Variants in MYH7B observed in about 807,000 individuals in gnomAD.
MYH7B encodes the protein myosin-7B.
Under a neutral mutation model 234.5 loss-of-function variants are expected in MYH7B, and 205 were observed. The ratio of observed to expected loss-of-function variants is 0.87; its 90% CI spans 0.78 to 0.98. The LOEUF (loss-of-function observed/expected upper bound fraction) is 0.98, where lower values mean the gene tolerates loss of function less well. Among genes scored for constraint, MYH7B ranks in the 50% least tolerant of loss-of-function variants. The pLI, the probability that MYH7B is intolerant of heterozygous loss-of-function variation, is 0.00. For missense variants in MYH7B, 2,652 were observed against 2,633.4 expected (o/e 1.01, Z -0.15); for synonymous variants, 1,193 against 1,105.0 (o/e 1.08, Z -1.58).
At chr20:34,967,055 C>T (rs532466490) in intron 2 of MYH7B, among the ~76,000 whole-genome samples, 3 of 150,686 alleles carry the variant, frequency 2.0e-5, no homozygotes, top group Admixed American at 2.0e-4. Context: ...ATAGTGAAAC[C>T]CCGTCTCTAC....
At chr20:34,975,095 G>T (rs1462266469) in intron 2 of MYH7B, among the ~76,000 whole-genome samples, 1 of 152,154 alleles carries the variant, frequency 6.6e-6, no homozygotes, top group Non-Finnish European at 1.5e-5. Context: ...GATCAAGCAA[G>T]AGTCGGTATA....
At chr20:34,960,227 G>C (rs1299725183) in intron 2 of MYH7B, among the ~76,000 whole-genome samples, 3 of 152,030 alleles carry the variant, frequency 2.0e-5, no homozygotes, top group Non-Finnish European at 4.4e-5. Flanking sequence ...AGTCTGGACT[G>C]TGGGTTTTTT....
chr20:34,989,752 C>G lies in MYH7B; in HGVS notation c.1600C>G (p.Leu534Val). ...GTTCTGTTCCCAGCCACTGGGCATC[C>G]TGTCCATCCTGGAGGAGGAATGCAT... The change falls in exon 20 of 45, where the codon CTG becomes GTG. Residue 534 changes from leucine to valine, a missense_variant. Transcript: ENST00000262873. The G allele has an allele frequency of 6.2e-7, 1 of 1,613,974 alleles. No individual in the cohort carries two copies. Among genetic ancestry groups the G allele is most frequent in the Admixed American group, 1.7e-5 (1 of 60,014 alleles).
intron 35 of MYH7B, 70 bp from the exon 36 acceptor site, chr20:34,998,986 G>A (rs2082315374): frequency 1.3e-6 from 2 of 1,581,858 alleles, no homozygotes; most frequent in East Asian, 2.2e-5. Flanking sequence ...GCTGAGGGTG[G>A]GTGAAGGGAG....
rs1269773123 is a variant in MYH7B, at chr20:34,997,144, C to T, written c.3328C>T (p.Gln1110Ter). 1.3e-6 allele frequency: 2 copies of T among 1,549,608 alleles called. No homozygotes were observed. The highest frequency in any genetic ancestry group is 1.7e-6 in the Non-Finnish European group (2 of 1,146,884). ...GGAAGACGAGCAGCTCTTGGGGGCC[C>T]AGATGCAGAAGAAGATCAAGGAGCT... is the stretch of plus-strand genomic sequence containing the variant. Residue 1110 changes from glutamine to a stop codon, truncating the protein, a stop_gained, in exon 31 of 45, where the codon CAG (glutamine) becomes TAG (stop). Transcript: ENST00000262873. LOFTEE classifies it high-confidence loss of function.
At chr20:34,983,539 G>A (rs982617353) in intron 10 of MYH7B, among the ~76,000 whole-genome samples, 2 of 152,220 alleles carry the variant, frequency 1.3e-5, no homozygotes, top group South Asian at 4.1e-4. Context: ...CAGGGACACA[G>A]CTGGAAGGGC....
rs764506947 is a variant in MYH7B, at chr20:34,996,767, G to T, written c.3266+9G>T. On this transcript the variant is annotated intron_variant, in intron 30 of 44. Coordinates refer to ENST00000262873, the Ensembl canonical transcript of MYH7B. ...GAGGAGAAGCTCAAGAAGTAGGTGT[G>T]GTGGGGCAGCAGGTGGGGGCCTTCT... 1 of 1,604,928 alleles carries T rather than the reference G, an allele frequency of 6.2e-7. No individual in the cohort carries two copies. Among genetic ancestry groups the T allele is most frequent in the South Asian group, 1.1e-5 (1 of 87,746 alleles).
chr20:34,995,052 GC>G (rs902906927), intron 27 of MYH7B, among the ~76,000 whole-genome samples: 165 of 152,336 alleles, frequency 1.1e-3, no homozygotes, highest in Middle Eastern at 3.4e-3. Context: ...GAAGGCCTCA[GC>G]CCAACAGCGG....
intron 7 of MYH7B, 63 bp downstream of exon 7, chr20:34,979,867 A>G (rs1600421668): frequency 9.9e-6 from 14 of 1,408,658 alleles, no homozygotes; most frequent in African/African-American, 1.5e-5. Flanking sequence ...GCTAGAGATG[A>G]GGTGCTGGGG....
intron 38 of MYH7B, 28 bp from the exon 39 acceptor site, chr20:35,000,265 C>T (rs1165404125): frequency 1.9e-6 from 3 of 1,542,262 alleles, no homozygotes; most frequent in Admixed American, 3.8e-5. Context: ...CTTACGAGAC[C>T]CCCTTTCATG....
At position 34,957,483 on chromosome 20, in the gene MYH7B, T is replaced by A. The variant is rs1317130515; in HGVS notation, c.-336-615T>A. ...ACCCAGGGACCAAGATCCTTTTGACTCTTTTTTTTTTTTTTTTTTTTTGAG... is the reference window on the plus strand; with the variant it reads ...ACCCAGGGACCAAGATCCTTTTGACACTTTTTTTTTTTTTTTTTTTTTGAG... On this transcript the variant is annotated intron_variant, in intron 1 of 44. Coordinates refer to ENST00000262873, the Ensembl canonical transcript of MYH7B. 6.3e-5 allele frequency among the ~76,000 whole-genome samples: 8 copies of A among 126,748 alleles called. No homozygotes were observed. The East Asian group carries it at 1.5e-3, about 24-fold the overall frequency. The allele number at this position is 126,748 out of a possible 152,430, so 83.2% of individuals were successfully genotyped here. A position where few individuals can be genotyped will look rare whatever the true frequency, so the allele number is the denominator to read the frequency against.
intron 8 of MYH7B, 63 bp downstream of exon 8, chr20:34,980,797 T>C: frequency 1.9e-6 from 3 of 1,590,066 alleles, no homozygotes; most frequent in Non-Finnish European, 2.6e-6. Context: ...GAGGCCTCTG[T>C]AAGGGACCCC....
At chr20:34,996,866 G>A in intron 30 of MYH7B, 108 bp downstream of exon 30, 3 of 1,466,608 alleles carry the variant, frequency 2.0e-6, no homozygotes, top group Non-Finnish European at 2.8e-6. Flanking sequence ...AAGGGTGGGG[G>A]TTGACAGATG....
At chr20:34,959,629 C>T (rs771473264) in intron 2 of MYH7B, among the ~76,000 whole-genome samples, 3 of 152,064 alleles carry the variant, frequency 2.0e-5, no homozygotes, top group Non-Finnish European at 4.4e-5. Context: ...AGGCACATGC[C>T]ACCATGCCCA....
intron 2 of MYH7B, among the ~76,000 whole-genome samples, chr20:34,974,082 G>A (rs1199439577): frequency 6.6e-6 from 1 of 152,216 alleles, no homozygotes; most frequent in East Asian, 1.9e-4. Flanking sequence ...CTGCCACCAT[G>A]CCTGGCTAAT....
chr20:34,993,360 C>T lies in MYH7B; in HGVS notation c.2334C>T (p.Gly778=), dbSNP rs770970396. The change falls in exon 26 of 45, where the codon GGC becomes GGT. Residue 778 remains glycine (G), a synonymous_variant. Transcript: ENST00000262873. ...TGTTCTTCAAGGCTGGGCTTCTAGG[C>T]GTCCTGGAAGAGCTCCGTGACCAGC... The T allele has an allele frequency of 8.1e-6, 13 of 1,613,990 alleles. No homozygotes were observed. The highest frequency in any genetic ancestry group is 2.2e-5 in the East Asian group (1 of 44,876).
At chr20:35,001,003 G>C (rs755639411) in exon 41 of MYH7B, 2 of 1,613,860 alleles carry the variant, frequency 1.2e-6, no homozygotes, top group South Asian at 1.1e-5. Flanking sequence ...CATGATGGCC[G>C]AGGAGCTGAA....
At chr20:34,965,429 C>T (rs532578931) in intron 2 of MYH7B, among the ~76,000 whole-genome samples, 2 of 152,308 alleles carry the variant, frequency 1.3e-5, no homozygotes, top group Admixed American at 6.5e-5. Context: ...AGCGAGAGGC[C>T]GCTGGGAAAG....
intron 16 of MYH7B, 38 bp from the exon 17 acceptor site, chr20:34,987,519 T>C: frequency 1.3e-6 from 2 of 1,523,028 alleles, no homozygotes; most frequent in Non-Finnish European, 1.8e-6. Flanking sequence ...GTGCGCATGG[T>C]GGTGTCCTCC....
Sources: gnomAD v4.1 joint callset for allele counts (sites outside exome capture counted in the v4.1 genomes callset) on GRCh38, gnomAD v4.1.1 for gene constraint, MANE v1.5 for transcripts, NCBI Gene and HGNC (gene_info 2026-07-23, HGNC 2026-07-21) for gene names.